Variants in CNBD1 observed in about 807,000 individuals in gnomAD.
CNBD1 encodes cyclic nucleotide binding domain containing 1, also known as cyclic nucleotide-binding domain-containing protein 1.
A neutral mutation model predicts 54.4 loss-of-function variants in CNBD1; 71 were observed. The ratio of observed to expected loss-of-function variants is 1.30; its 90% CI spans 1.08 to 1.59. The LOEUF is 1.59. CNBD1 is among the 40% of genes most tolerant of loss of function. The pLI, the probability that CNBD1 is intolerant of heterozygous loss-of-function variation, is 0.00. For missense variants in CNBD1, 659 were observed against 518.0 expected (o/e 1.27, Z -2.64); for synonymous variants, 182 against 170.7 (o/e 1.07, Z -0.51).
chr8:87,228,635 T>G (rs1814575264), intron 5 of CNBD1, among the ~76,000 whole-genome samples: 1 of 151,270 alleles, frequency 6.6e-6, no homozygotes, highest in Admixed American at 6.6e-5. Context: ...GAACCACTGC[T>G]CTCTTCAAAG....
At chr8:87,246,103 C>T (rs1309134977) in intron 6 of CNBD1, among the ~76,000 whole-genome samples, 1 of 151,862 alleles carries the variant, frequency 6.6e-6, no homozygotes, top group Non-Finnish European at 1.5e-5. Flanking sequence ...TTTGTAATTG[C>T]CTTGGGATTC....
In CNBD1 at chr8:87,229,592, C is replaced by A. The variant is rs541907591; in HGVS notation, c.578-7327C>A. On this transcript the variant is annotated intron_variant, in intron 5 of 10. Transcript: ENST00000518476. ...GATTATGTCAAATACTCTTTGAATT[C>A]TATTTTGAGAAGCTTTTGTAAATTC... Among the ~76,000 whole-genome samples, 23 of 151,982 alleles carry A rather than the reference C, an allele frequency of 1.5e-4. No individual in the cohort carries two copies. In the South Asian group the frequency reaches 4.6e-3, roughly 30 times the overall value.
In CNBD1 at chr8:87,283,054, A is replaced by G. The variant is rs189674686; in HGVS notation, c.772-1624A>G. Among the ~76,000 whole-genome samples, 414 of 152,190 alleles carry G rather than the reference A, an allele frequency of 2.7e-3. 2 individuals are homozygous for G. The highest frequency in any genetic ancestry group is 5.3e-3 in the Non-Finnish European group (362 of 67,992). Reference sequence around the variant, plus strand: ...GTTTCTTCTAGAATTTCTGTTAGATATATGCTAAATGGTCTCCATCTATCT... The same window carrying G: ...GTTTCTTCTAGAATTTCTGTTAGATGTATGCTAAATGGTCTCCATCTATCT... On this transcript the variant is annotated intron_variant, in intron 6 of 10. Coordinates refer to ENST00000518476, the MANE Select transcript of CNBD1 (RefSeq NM_173538.3).
chr8:87,129,937 A>G (rs1373157157), intron 4 of CNBD1, among the ~76,000 whole-genome samples: 1 of 152,170 alleles, frequency 6.6e-6, no homozygotes, highest in African/African-American at 2.4e-5. Flanking sequence ...CCTCACAATC[A>G]TGGTGGAAGG....
At chr8:87,312,638 T>C (rs972858280) in intron 8 of CNBD1, among the ~76,000 whole-genome samples, 3 of 152,202 alleles carry the variant, frequency 2.0e-5, no homozygotes, top group South Asian at 4.1e-4. Flanking sequence ...GTAAGAGCCA[T>C]ATGAGTAATT....
intron 8 of CNBD1, among the ~76,000 whole-genome samples, chr8:87,337,717 T>C (rs779035224): frequency 1.3e-4 from 20 of 152,190 alleles, no homozygotes; most frequent in Admixed American, 6.5e-4. Context: ...GGGTGGGGGC[T>C]CTCAGGTGTC....
chr8:87,011,419 T>G (rs1205803241), intron 4 of CNBD1, among the ~76,000 whole-genome samples: 1 of 152,192 alleles, frequency 6.6e-6, no homozygotes, highest in East Asian at 1.9e-4. Context: ...CTATCTTGGT[T>G]GTGTTTGATA....
chr8:87,265,616 T>C (rs945393347), intron 6 of CNBD1, among the ~76,000 whole-genome samples: 19 of 152,128 alleles, frequency 1.2e-4, no homozygotes, highest in Non-Finnish European at 1.5e-5. Flanking sequence ...AAACTCTAGA[T>C]TTGAGGATGG....
chr8:87,309,322 G>C (rs1030312615), intron 8 of CNBD1, among the ~76,000 whole-genome samples: 1 of 151,928 alleles, frequency 6.6e-6, no homozygotes, highest in Non-Finnish European at 1.5e-5. Context: ...AATCATCTCT[G>C]CTTCTCCATG....
In CNBD1 at chr8:87,382,453, G is replaced by T. The variant is rs143782892; in HGVS notation, c.1304-167G>T. On this transcript the variant is annotated intron_variant, in intron 10 of 10. Coordinates refer to ENST00000518476, the MANE Select transcript of CNBD1 (RefSeq NM_173538.3). ...CAAATGTCATTAGAGGGGGTGTAAA[G>T]TGTTACATTATTTCTAGAATAAGCT... Among the ~76,000 whole-genome samples the T allele has an allele frequency of 9.2e-5, 14 of 152,056 alleles. No individual in the cohort carries two copies. In the East Asian group the frequency reaches 2.7e-3, roughly 29 times the overall value.
intron 8 of CNBD1, among the ~76,000 whole-genome samples, chr8:87,337,967 T>C (rs1716165805): frequency 6.6e-6 from 1 of 152,214 alleles, no homozygotes; most frequent in Admixed American, 6.5e-5. Context: ...CTTGTTTTTC[T>C]ATTTTTGTCT....
chr8:86,905,182 A>G lies in CNBD1; in HGVS notation c.260A>G (p.Gln87Arg), dbSNP rs1808999421. ...CCCAGACTTCCTAAACTTTTCAAAC[A>G]GGAGGAACAAAGGTAATGATACCTT... is the stretch of plus-strand genomic sequence containing the variant. Reference protein sequence around the residue: ...QKPRLPKLFKQEEQRELNEGK... With the variant: ...QKPRLPKLFKREEQRELNEGK... The change falls in exon 3 of 11, where the codon CAG (glutamine) becomes CGG (arginine). Residue 87 changes from glutamine (Q) to arginine (R), a missense_variant. Gln to Arg is a conservative substitution (Grantham distance 43). Transcript: ENST00000518476. 2.5e-6 allele frequency: 4 copies of G among 1,593,618 alleles called. No homozygotes were observed. Among genetic ancestry groups the G allele is most frequent in the Non-Finnish European group, 3.4e-6 (4 of 1,162,392 alleles).
At chr8:87,369,395 C>A (rs972824737) in intron 10 of CNBD1, among the ~76,000 whole-genome samples, 3 of 151,946 alleles carry the variant, frequency 2.0e-5, no homozygotes, top group Admixed American at 6.6e-5. Context: ...TATGTAATTA[C>A]CTCTGCTCAT....
At chr8:87,322,288 G>A (rs1307035131) in intron 8 of CNBD1, among the ~76,000 whole-genome samples, 1 of 123,468 alleles carries the variant, frequency 8.1e-6, no homozygotes, top group East Asian at 2.1e-4. Flanking sequence ...CTTTACAGCA[G>A]CATGATTTAT....
At chr8:86,873,496 G>T (rs1314649807) in intron 1 of CNBD1, among the ~76,000 whole-genome samples, 2 of 151,904 alleles carry the variant, frequency 1.3e-5, no homozygotes, top group African/African-American at 4.8e-5. Context: ...TCTTTACAAT[G>T]CTCAGTCTTC....
At chr8:87,257,873 A>C (rs1283294277) in intron 6 of CNBD1, among the ~76,000 whole-genome samples, 1 of 152,110 alleles carries the variant, frequency 6.6e-6, no homozygotes, top group Non-Finnish European at 1.5e-5. Flanking sequence ...TTGGGTTAGC[A>C]TTTTTATACA....
chr8:87,080,876 A>T (rs1810976619), intron 4 of CNBD1, among the ~76,000 whole-genome samples: 1 of 151,858 alleles, frequency 6.6e-6, no homozygotes, highest in South Asian at 2.1e-4. Context: ...TATCTGTAGG[A>T]TCTGTAGTGA....
At chr8:87,409,913 C>A (rs1423420638) in intron 2 of CNBD1, among the ~76,000 whole-genome samples, 2 of 151,894 alleles carry the variant, frequency 1.3e-5, no homozygotes, top group Non-Finnish European at 2.9e-5. Flanking sequence ...GTCCCAGCTA[C>A]TCAGGAGGCT....
chr8:87,182,940 A>G lies in CNBD1; in HGVS notation c.432-23053A>G, dbSNP rs1184957821. ...CACTTATGTATTTTTGTTTTGTTAC[A>G]ATTGCTTTTGGAGACTTTGACATGA... On this transcript the variant is annotated intron_variant, in intron 4 of 10. Coordinates refer to ENST00000518476, the MANE Select transcript of CNBD1 (RefSeq NM_173538.3). The surrounding 1 kb of genome is among the most constrained non-coding windows in gnomAD (Gnocchi z 4.1). 6.6e-6 allele frequency among the ~76,000 whole-genome samples: 1 copy of G among 151,992 alleles called. No individual in the cohort carries two copies. The highest frequency in any genetic ancestry group is 6.6e-5 in the Admixed American group (1 of 15,264).
Sources: allele counts gnomAD v4.1 joint callset (sites outside exome capture counted in the v4.1 genomes callset), GRCh38; gene constraint gnomAD v4.1.1; non-coding constraint Gnocchi (gnomAD v3.1); transcripts MANE v1.5; gene names NCBI Gene and HGNC (gene_info 2026-07-23, HGNC 2026-07-21).